The following CNTNAP2 variants were observed in gnomAD, a reference collection of about 807,000 sequenced individuals.
CNTNAP2 encodes the protein contactin-associated protein-like 2.
In CNTNAP2, 98 loss-of-function variants were observed where a neutral mutation model predicts 155.2. That is an observed-to-expected ratio of 0.63 (90% CI 0.54 to 0.75). The LOEUF (loss-of-function observed/expected upper bound fraction) is 0.75, where lower values mean the gene tolerates loss of function less well. Ranked by LOEUF, CNTNAP2 falls within the 30% of genes least tolerant of loss-of-function variation. The pLI, the probability that CNTNAP2 is intolerant of heterozygous loss-of-function variation, is 0.00. For synonymous variants in CNTNAP2, 651 were observed against 631.2 expected (o/e 1.03, Z -0.47); for missense variants, 1,727 against 1,688.1 (o/e 1.02, Z -0.40).
intron 12 of CNTNAP2, among the ~76,000 whole-genome samples, chr7:147,605,623 A>G (rs1452847009): frequency 6.6e-6 from 1 of 152,098 alleles, no homozygotes; most frequent in Non-Finnish European, 1.5e-5. Flanking sequence ...CATCTTCCCT[A>G]GTTGATGAGA....
At chr7:147,005,172 T>C (rs1348220303) in intron 3 of CNTNAP2, among the ~76,000 whole-genome samples, 1 of 151,916 alleles carries the variant, frequency 6.6e-6, no homozygotes, top group Non-Finnish European at 1.5e-5. Flanking sequence ...ATCTGGGAGG[T>C]GTGACATAGT....
chr7:148,200,889 G>A (rs1358252691), intron 18 of CNTNAP2, among the ~76,000 whole-genome samples: 3 of 152,128 alleles, frequency 2.0e-5, no homozygotes, highest in Non-Finnish European at 2.9e-5. Flanking sequence ...ATGGTGTTGT[G>A]AGACTAAATA....
intron 13 of CNTNAP2, among the ~76,000 whole-genome samples, chr7:147,895,768 A>T (rs188579303): frequency 6.3e-4 from 96 of 152,360 alleles, no homozygotes; most frequent in African/African-American, 2.1e-3. Context: ...CACTGGAATA[A>T]GGGAATTCTT....
intron 13 of CNTNAP2, among the ~76,000 whole-genome samples, chr7:147,718,862 G>A (rs917740362): frequency 1.3e-5 from 2 of 152,066 alleles, no homozygotes; most frequent in Non-Finnish European, 2.9e-5. Context: ...ACACATGTAA[G>A]TTTCCAGTAC....
intron 2 of CNTNAP2, among the ~76,000 whole-genome samples, chr7:146,830,753 A>T (rs886567156): frequency 6.6e-5 from 10 of 152,184 alleles, no homozygotes; most frequent in Admixed American, 6.5e-4. Context: ...TCAGTTTGTT[A>T]TCCTATTAGG....
intron 8 of CNTNAP2, among the ~76,000 whole-genome samples, chr7:147,166,137 C>T (rs1258861588): frequency 6.6e-6 from 1 of 152,044 alleles, no homozygotes; most frequent in African/African-American, 2.4e-5. Flanking sequence ...CCCAAATGAC[C>T]ATCAATCAAT....
intron 18 of CNTNAP2, among the ~76,000 whole-genome samples, chr7:148,173,781 C>A (rs1004619564): frequency 1.3e-5 from 2 of 152,212 alleles, no homozygotes; most frequent in African/African-American, 4.8e-5. Flanking sequence ...CTTGCAATTA[C>A]CATTCATTGT....
intron 3 of CNTNAP2, among the ~76,000 whole-genome samples, chr7:146,859,547 CTTGGG>C (rs1795056701): frequency 6.6e-6 from 1 of 152,064 alleles, no homozygotes; most frequent in Non-Finnish European, 1.5e-5. Context: ...ATCCCAGCTA[CTTGGG>C]AGGCTGAGCC....
chr7:147,244,722 AT>A (rs1241217454), intron 8 of CNTNAP2, among the ~76,000 whole-genome samples: 1 of 152,206 alleles, frequency 6.6e-6, no homozygotes, highest in African/African-American at 2.4e-5. Context: ...CTAAGACCTG[AT>A]TGAAGAGAGG....
intron 4 of CNTNAP2, among the ~76,000 whole-genome samples, chr7:147,107,421 T>C (rs1800788816): frequency 6.6e-6 from 1 of 152,158 alleles, no homozygotes; most frequent in Non-Finnish European, 1.5e-5. Context: ...GCTGCTGTAG[T>C]CATACGCTGG....
chr7:146,868,475 G>T (rs1795245614), intron 3 of CNTNAP2, among the ~76,000 whole-genome samples: 1 of 152,054 alleles, frequency 6.6e-6, no homozygotes. Flanking sequence ...TATTCTTTTT[G>T]TTTAGGATTG....
intron 8 of CNTNAP2, among the ~76,000 whole-genome samples, chr7:147,188,573 G>T (rs933202632): frequency 6.6e-6 from 1 of 152,124 alleles, no homozygotes; most frequent in African/African-American, 2.4e-5. Flanking sequence ...TGAAATAAAG[G>T]CTCAGTCTGA....
chr7:147,239,545 G>T (rs992060326), intron 8 of CNTNAP2, among the ~76,000 whole-genome samples: 3 of 149,956 alleles, frequency 2.0e-5, no homozygotes, highest in Non-Finnish European at 4.4e-5. Context: ...TTATTGGTAC[G>T]CATTCATGAC....
chr7:146,370,259 T>TA (rs1563058188), intron 1 of CNTNAP2, among the ~76,000 whole-genome samples: 44 of 117,854 alleles, frequency 3.7e-4, no homozygotes, highest in Non-Finnish European at 6.1e-4. Context: ...CATCTCTACT[T>TA]TAAAAAAAAA....
intron 1 of CNTNAP2, among the ~76,000 whole-genome samples, chr7:146,647,507 A>G (rs1279023999): frequency 6.6e-6 from 1 of 152,186 alleles, no homozygotes; most frequent in Non-Finnish European, 1.5e-5. Flanking sequence ...AGGCCATTAA[A>G]AATCTTATAA....
chr7:146,639,058 T>C (rs1799660939), intron 1 of CNTNAP2, among the ~76,000 whole-genome samples: 1 of 152,184 alleles, frequency 6.6e-6, no homozygotes, highest in Non-Finnish European at 1.5e-5. Flanking sequence ...TAGGATTATC[T>C]TATGAAACCA....
At chr7:147,250,007 C>CT (rs1804159640) in intron 8 of CNTNAP2, among the ~76,000 whole-genome samples, 1 of 152,088 alleles carries the variant, frequency 6.6e-6, no homozygotes, top group Non-Finnish European at 1.5e-5. Flanking sequence ...TTGAAACTGA[C>CT]TTTTTTCCCC....
chr7:148,412,131 A>G (rs1051903685), intron 23 of CNTNAP2, among the ~76,000 whole-genome samples: 12 of 152,104 alleles, frequency 7.9e-5, no homozygotes, highest in East Asian at 1.9e-4. Context: ...TAGTAGAGAC[A>G]GGGTTTCACC....
At chr7:146,301,631 T>TAACAAC (rs71175645) in intron 1 of CNTNAP2, among the ~76,000 whole-genome samples, 6 of 151,506 alleles carry the variant, frequency 4.0e-5, no homozygotes, top group East Asian at 1.9e-4. Context: ...GTCTCAACAA[T>TAACAAC]AACAACAACA....
Sources: gnomAD v4.1 joint callset for allele counts (sites outside exome capture counted in the v4.1 genomes callset) on GRCh38, gnomAD v4.1.1 for gene constraint, MANE v1.5 for transcripts, NCBI Gene and HGNC (gene_info 2026-07-23, HGNC 2026-07-21) for gene names.